ABCA13: variants seen among roughly 807,000 people sequenced by gnomAD.
The protein encoded by ABCA13 is ATP binding cassette subfamily A member 13, also known as ATP-binding cassette sub-family A member 13.
Under a neutral mutation model 478.7 loss-of-function variants are expected in ABCA13, and 476 were observed. That is an observed-to-expected ratio of 0.99 (90% CI 0.92 to 1.07). The LOEUF is 1.07. ABCA13 is among the 50% of genes least tolerant of loss of function. ABCA13 has a pLI of 0.00. For missense variants in ABCA13, 6,060 were observed against 5,910.6 expected, an observed-to-expected ratio of 1.03 and a Z score of -0.83; for synonymous variants, 2,252 against 2,158.9, an observed-to-expected ratio of 1.04 and a Z score of -1.20.
At chr7:48,634,345 T>C (rs1527842) in intron 59 of ABCA13, among the ~76,000 whole-genome samples, 104,276 of 151,940 alleles carry the variant, frequency 0.69, 36,150 homozygotes, top group African/African-American at 0.74. Context: ...CCTCCACTTC[T>C]ATTTTTTAAA....
chr7:48,279,928 A>C lies in ABCA13; in HGVS notation c.8726+8A>C. The C allele has an allele frequency of 6.6e-7, 1 of 1,506,048 alleles. No individual in the cohort carries two copies. Among genetic ancestry groups the C allele is most frequent in the Non-Finnish European group, 8.8e-7 (1 of 1,130,690 alleles). The allele number at this position is 1,506,048 out of a possible 1,614,324, so 93.3% of individuals were successfully genotyped here. A position where few individuals can be genotyped will look rare whatever the true frequency, so the allele number is the denominator to read the frequency against. Reference sequence around the variant, plus strand: ...CCCACTAACAGATCAAAGGTAATTAAAAAGCTGAATTCACTTTGTTTTTTT... The same window carrying C: ...CCCACTAACAGATCAAAGGTAATTACAAAGCTGAATTCACTTTGTTTTTTT... On this transcript the variant is annotated splice_region_variant and intron_variant, in intron 18 of 61. Transcript: ENST00000435803.
At chr7:48,450,182 A>G (rs758540104) in intron 42 of ABCA13, among the ~76,000 whole-genome samples, 3 of 152,232 alleles carry the variant, frequency 2.0e-5, no homozygotes, top group Non-Finnish European at 4.4e-5. Context: ...GGATTTATTT[A>G]TAAATAAATG....
intron 42 of ABCA13, among the ~76,000 whole-genome samples, chr7:48,428,298 G>A (rs531208371): frequency 2.0e-4 from 31 of 152,240 alleles, no homozygotes; most frequent in African/African-American, 6.3e-4. Flanking sequence ...GCCTTCATGC[G>A]ACCTCTGTCC....
At position 48,338,461 on chromosome 7, in the gene ABCA13, T is replaced by C. The variant is rs1362054193; in HGVS notation, c.10204+6T>C. ...TGAAAAACTCCAGACATACGGTAAG[T>C]GTGCTGATGGGCATGGTAGTGTTCT... is the stretch of plus-strand genomic sequence containing the variant. On this transcript the variant is annotated splice_donor_region_variant and intron_variant, in intron 29 of 61. Transcript: ENST00000435803. 5 of 1,580,622 alleles carry C rather than the reference T, an allele frequency of 3.2e-6. No individual in the cohort carries two copies. Among genetic ancestry groups the C allele is most frequent in the Non-Finnish European group, 2.6e-6 (3 of 1,162,010 alleles).
intron 15 of ABCA13, among the ~76,000 whole-genome samples, chr7:48,261,586 G>T (rs900989642): frequency 4.6e-5 from 7 of 151,298 alleles, no homozygotes; most frequent in Non-Finnish European, 1.0e-4. Flanking sequence ...TTCTCCATTT[G>T]ATTTAAAATA....
At chr7:48,206,775 A>T (rs917273373) in intron 3 of ABCA13, among the ~76,000 whole-genome samples, 1 of 146,974 alleles carries the variant, frequency 6.8e-6, no homozygotes, top group Non-Finnish European at 1.5e-5. Context: ...TAAAGTATAA[A>T]TCATTTGTGT....
At chr7:48,605,089 C>A (rs559528416) in intron 58 of ABCA13, among the ~76,000 whole-genome samples, 3 of 152,092 alleles carry the variant, frequency 2.0e-5, no homozygotes, top group Non-Finnish European at 4.4e-5. Flanking sequence ...GGTAAATATT[C>A]CTCCATCCCT....
chr7:48,438,517 C>T (rs1823144239), intron 42 of ABCA13, among the ~76,000 whole-genome samples: 2 of 151,670 alleles, frequency 1.3e-5, no homozygotes, highest in African/African-American at 4.8e-5. Context: ...TAAATACTGG[C>T]ATTTTGTGAG....
chr7:48,428,904 C>A (rs968105779), intron 42 of ABCA13, among the ~76,000 whole-genome samples: 3 of 152,224 alleles, frequency 2.0e-5, no homozygotes, highest in Admixed American at 6.5e-5. Flanking sequence ...ATACCATTTT[C>A]ATTACTCTGA....
Position 48,241,031 on chromosome 7 carries a change from A to G in ABCA13, c.1227A>G (p.Ala409=). ...TCCTGCTGAATGACAGCTTGTCAGC[A>G]GATGGCCCAAAAGATAATCATACAT... ...ALLLLNDSLS[A]DGPKDNHTFP... The change falls in exon 10 of 62, where the codon GCA becomes GCG. Residue 409 remains alanine (A), a synonymous_variant. Transcript: ENST00000435803. 6.2e-7 allele frequency: 1 copy of G among 1,614,068 alleles called. No individual in the cohort carries two copies. The highest frequency in any genetic ancestry group is 8.5e-7 in the Non-Finnish European group (1 of 1,179,898).
intron 1 of ABCA13, among the ~76,000 whole-genome samples, chr7:48,172,624 T>G (rs1436097549): frequency 6.6e-6 from 1 of 150,726 alleles, no homozygotes; most frequent in Admixed American, 6.6e-5. Flanking sequence ...TGAAACCCCG[T>G]CTCTACTAAA....
chr7:48,377,053 G>A (rs1236933727), intron 35 of ABCA13, among the ~76,000 whole-genome samples: 2 of 152,158 alleles, frequency 1.3e-5, no homozygotes, highest in Non-Finnish European at 2.9e-5. Flanking sequence ...TGGACAGGGT[G>A]GGCTGGGAGT....
intron 58 of ABCA13, among the ~76,000 whole-genome samples, chr7:48,613,347 C>T (rs553348828): frequency 1.8e-3 from 277 of 152,148 alleles, no homozygotes; most frequent in African/African-American, 6.3e-3. Flanking sequence ...CCCCACCACA[C>T]CTGGCTAAAT....
intron 3 of ABCA13, among the ~76,000 whole-genome samples, chr7:48,198,835 G>A (rs1798288774): frequency 6.6e-6 from 1 of 152,210 alleles, no homozygotes; most frequent in Admixed American, 6.5e-5. Context: ...ACGGACTACA[G>A]GACAGTTAAG....
intron 47 of ABCA13, among the ~76,000 whole-genome samples, chr7:48,484,003 A>G (rs17132372): frequency 0.066 from 10,081 of 152,226 alleles, 413 homozygotes; most frequent in African/African-American, 0.11. Context: ...TCATGAGCCA[A>G]TTGTGGAGCT....
intron 43 of ABCA13, among the ~76,000 whole-genome samples, chr7:48,464,522 G>A (rs966646322): frequency 1.3e-5 from 2 of 152,206 alleles, no homozygotes; most frequent in Admixed American, 1.3e-4. Flanking sequence ...TGCCACAGAG[G>A]TGTTTGCATT....
At chr7:48,427,229 C>T (rs1821549738) in intron 41 of ABCA13, among the ~76,000 whole-genome samples, 1 of 152,188 alleles carries the variant, frequency 6.6e-6, no homozygotes, top group Non-Finnish European at 1.5e-5. Context: ...TGAGGTTGGA[C>T]TTCTGCCTCC....
intron 59 of ABCA13, among the ~76,000 whole-genome samples, chr7:48,640,200 T>C (rs1231869426): frequency 6.6e-6 from 1 of 152,200 alleles, no homozygotes; most frequent in African/African-American, 2.4e-5. Context: ...AATGTATTTG[T>C]TATAAATTAT....
intron 31 of ABCA13, among the ~76,000 whole-genome samples, chr7:48,352,976 GC>G (rs1360461900): frequency 6.6e-6 from 1 of 151,960 alleles, no homozygotes; most frequent in Non-Finnish European, 1.5e-5. Context: ...GTGTAATTTG[GC>G]TGCTGACATC....
Sources: allele counts gnomAD v4.1 joint callset (sites outside exome capture counted in the v4.1 genomes callset), GRCh38; gene constraint gnomAD v4.1.1; transcripts MANE v1.5; gene names NCBI Gene and HGNC (gene_info 2026-07-23, HGNC 2026-07-21).